Variants in UBE2G1 observed in about 807,000 individuals in gnomAD.
UBE2G1 encodes ubiquitin conjugating enzyme E2 G1.
UBE2G1 carries 5 observed loss-of-function variants against 22.7 expected under a neutral mutation model. The ratio of observed to expected loss-of-function variants is 0.22; its 90% CI spans 0.12 to 0.46. The LOEUF is 0.46. Ranked by LOEUF, UBE2G1 falls within the 20% of genes least tolerant of loss-of-function variation. The pLI is 0.99. For missense variants in UBE2G1, 88 were observed against 203.9 expected, an observed-to-expected ratio of 0.43 and a Z score of 3.46; for synonymous variants, 74 against 67.5, an observed-to-expected ratio of 1.10 and a Z score of -0.47.
intron 1 of UBE2G1, among the ~76,000 whole-genome samples, chr17:4,362,588 T>A (rs1052351439): frequency 1.3e-5 from 2 of 152,218 alleles, no homozygotes; most frequent in Non-Finnish European, 2.9e-5. Flanking sequence ...CATTATGTTA[T>A]CAACAAAACA....
intron 5 of UBE2G1, among the ~76,000 whole-genome samples, chr17:4,279,371 G>A (rs554190057): frequency 7.2e-5 from 11 of 152,068 alleles, no homozygotes; most frequent in African/African-American, 2.4e-4. Context: ...GTGTACCAGT[G>A]GTGAAAGCAA....
At chr17:4,294,126 T>G (rs1969076309) in intron 3 of UBE2G1, among the ~76,000 whole-genome samples, 1 of 152,106 alleles carries the variant, frequency 6.6e-6, no homozygotes, top group Non-Finnish European at 1.5e-5. Context: ...CATTCAAAAT[T>G]CCATCTAAGA....
intron 1 of UBE2G1, among the ~76,000 whole-genome samples, chr17:4,344,220 G>A (rs915584188): frequency 6.6e-6 from 1 of 152,160 alleles, no homozygotes; most frequent in Non-Finnish European, 1.5e-5. Flanking sequence ...GTTATACAAA[G>A]TAAGTCTGTA....
chr17:4,321,429 G>GTT (rs1004227681), intron 1 of UBE2G1, among the ~76,000 whole-genome samples: 2 of 151,434 alleles, frequency 1.3e-5, no homozygotes, highest in Non-Finnish European at 2.9e-5. Context: ...CCCCCACCCC[G>GTT]TTTTTTTTAC....
chr17:4,338,169 CAAAA>C, intron 1 of UBE2G1, among the ~76,000 whole-genome samples: 1 of 87,220 alleles, frequency 1.1e-5, no homozygotes, highest in East Asian at 3.9e-4. Context: ...GACTCCATCT[CAAAA>C]AAAAAAAAAC....
chr17:4,296,255 G>A (rs1237003945), intron 3 of UBE2G1, among the ~76,000 whole-genome samples: 1 of 151,982 alleles, frequency 6.6e-6, no homozygotes, highest in Non-Finnish European at 1.5e-5. Context: ...TTTTCCACAT[G>A]ATCTCTGTTT....
At chr17:4,283,338 A>G (rs1968917686) in intron 4 of UBE2G1, among the ~76,000 whole-genome samples, 1 of 152,158 alleles carries the variant, frequency 6.6e-6, no homozygotes, top group Admixed American at 6.5e-5. Context: ...TGGTGAGAAT[A>G]AAAGTACAAA....
chr17:4,278,269 A>G (rs148474891), intron 5 of UBE2G1, among the ~76,000 whole-genome samples: 7 of 152,358 alleles, frequency 4.6e-5, no homozygotes, highest in African/African-American at 1.4e-4. Context: ...GACATTTAAA[A>G]ATTAGGTGCA....
At chr17:4,363,787 C>G (rs1969995994) in intron 1 of UBE2G1, among the ~76,000 whole-genome samples, 1 of 151,548 alleles carries the variant, frequency 6.6e-6, no homozygotes, top group Non-Finnish European at 1.5e-5. Flanking sequence ...CCCGTCTCTA[C>G]TGAAAATACA....
chr17:4,338,977 G>A (rs556007677), intron 1 of UBE2G1, among the ~76,000 whole-genome samples: 20 of 152,268 alleles, frequency 1.3e-4, no homozygotes, highest in African/African-American at 3.4e-4. Flanking sequence ...GACTGGTACC[G>A]CTCGGGAGTA....
intron 1 of UBE2G1, among the ~76,000 whole-genome samples, chr17:4,356,375 A>G (rs930291192): frequency 1.3e-5 from 2 of 152,174 alleles, no homozygotes; most frequent in Non-Finnish European, 2.9e-5. Flanking sequence ...AATTAAATAA[A>G]TAAATAAATA....
In UBE2G1 at chr17:4,289,406, C is replaced by A; in HGVS notation, c.250G>T (p.Asp84Tyr). 1 of 1,485,528 alleles carries A rather than the reference C, an allele frequency of 6.7e-7. No homozygotes were observed. Among genetic ancestry groups the A allele is most frequent in the Non-Finnish European group, 9.0e-7 (1 of 1,112,212 alleles). 92.0% of individuals were successfully genotyped at this position (1,485,528 alleles called of 1,614,324 possible). The stretch of plus-strand genomic sequence containing the variant: ...GAAATGCACACATCACCATTTTTAT[C>A]AACTGCAAAATTCAAGAAGAGGCTT... ...FITEIWHPNV[D>Y]KNGDVCISIL... The change falls in exon 4 of 6, where the codon GAT (aspartate) becomes TAT (tyrosine). Residue 84 changes from aspartate to tyrosine, a missense_variant and splice_region_variant. Asp to Tyr is a radical substitution (Grantham distance 160). This residue lies in a region of UBE2G1 where 38 missense variants were observed against 132.9 expected (regional missense o/e 0.29). Transcript: ENST00000396981.
chr17:4,274,281 T>G lies in UBE2G1; in HGVS notation c.*38-1765A>C, dbSNP rs1031853052. ...GGCGCGATCTCGGCTCACTGCAAGCTCCACCTCCCGGGTTCGCGCCATTCT... is the reference window on the plus strand; with the variant it reads ...GGCGCGATCTCGGCTCACTGCAAGCGCCACCTCCCGGGTTCGCGCCATTCT... On this transcript the variant is annotated intron_variant, in intron 5 of 5. Coordinates refer to ENST00000396981, the MANE Select transcript of UBE2G1 (RefSeq NM_003342.5). Among the ~76,000 whole-genome samples, 3 of 146,706 alleles carry G rather than the reference T, an allele frequency of 2.0e-5. No individual in the cohort carries two copies. In the East Asian group the frequency reaches 6.1e-4, roughly 30 times the overall value.
intron 5 of UBE2G1, among the ~76,000 whole-genome samples, chr17:4,277,579 G>T (rs2013283): frequency 0.95 from 144,441 of 152,302 alleles, 69,006 homozygotes; most frequent in East Asian, 1. Context: ...CTAACAAAAT[G>T]TGAGATAAAG....
In UBE2G1 at chr17:4,296,655, T is replaced by G. The variant is rs969496053; in HGVS notation, c.247+62A>C. The G allele has an allele frequency of 4.1e-6, 6 of 1,463,502 alleles. No individual in the cohort carries two copies. In the Admixed American group the frequency reaches 8.4e-5, roughly 20 times the overall value. 90.7% of individuals were successfully genotyped at this position (1,463,502 alleles called of 1,614,324 possible). A position where few individuals can be genotyped will look rare whatever the true frequency, so the allele number is the denominator to read the frequency against. On this transcript the variant is annotated intron_variant, in intron 3 of 5. Coordinates refer to ENST00000396981, the MANE Select transcript of UBE2G1 (RefSeq NM_003342.5). Reference sequence around the variant, plus strand: ...AGAAACAGATCTTTCTTATTGACCTTGAACACTTCAATAACAGGCCATCAA... The same window carrying G: ...AGAAACAGATCTTTCTTATTGACCTGGAACACTTCAATAACAGGCCATCAA...
At chr17:4,300,329 G>A (rs967632658) in intron 2 of UBE2G1, among the ~76,000 whole-genome samples, 1 of 151,650 alleles carries the variant, frequency 6.6e-6, no homozygotes, top group Non-Finnish European at 1.5e-5. Context: ...GATCACTTGA[G>A]GTCAGGAGTT....
intron 3 of UBE2G1, among the ~76,000 whole-genome samples, chr17:4,294,310 G>T (rs1969078791): frequency 6.6e-6 from 1 of 151,912 alleles, no homozygotes; most frequent in South Asian, 2.1e-4. Context: ...CAGCTACTCA[G>T]GAGGCTGAGG....
At chr17:4,306,900 T>C (rs1397968653) in intron 2 of UBE2G1, 121 bp downstream of exon 2, 6 of 772,802 alleles carry the variant, frequency 7.8e-6, no homozygotes, top group African/African-American at 3.6e-5. Context: ...TCGGCCCGCC[T>C]TGGCCTCCCA....
rs542784171 is a variant in UBE2G1 at position 4,348,384 on chromosome 17, T to C, written c.46+17887A>G. Among the ~76,000 whole-genome samples the C allele has an allele frequency of 3.4e-5, 5 of 144,978 alleles. No individual in the cohort carries two copies. In the South Asian group the frequency reaches 1.1e-3, roughly 32 times the overall value. On this transcript the variant is annotated intron_variant, in intron 1 of 5. Coordinates refer to ENST00000396981, the MANE Select transcript of UBE2G1 (RefSeq NM_003342.5). ...CCGGCTAAAACGGTGAAACCCCGTCTCTACTAAAAATACAAAAAATTAGCC... is the reference window on the plus strand; with the variant it reads ...CCGGCTAAAACGGTGAAACCCCGTCCCTACTAAAAATACAAAAAATTAGCC...
Sources: gnomAD v4.1 joint callset for allele counts (sites outside exome capture counted in the v4.1 genomes callset) on GRCh38, gnomAD v4.1.1 for gene constraint, gnomAD v4.1.1 regional missense constraint, MANE v1.5 for transcripts, NCBI Gene and HGNC (gene_info 2026-07-23, HGNC 2026-07-21) for gene names.